USP49: variants seen among roughly 807,000 people sequenced by gnomAD.
USP49 encodes the protein ubiquitin specific peptidase 49, also known as ubiquitin carboxyl-terminal hydrolase 49.
Under a neutral mutation model 58.6 loss-of-function variants are expected in USP49, and 24 were observed. The ratio of observed to expected loss-of-function variants is 0.41; its 90% CI spans 0.30 to 0.58. The LOEUF (loss-of-function observed/expected upper bound fraction) is 0.58. Ranked by LOEUF, USP49 falls within the 20% of genes least tolerant of loss-of-function variation. The pLI is 0.30. For missense variants in USP49, 703 were observed against 866.1 expected (o/e 0.81, Z 2.36); for synonymous variants, 408 against 365.1 (o/e 1.12, Z -1.34).
chr6:41,808,851 T>TCAG (rs1386673813), intron 3 of USP49, among the ~76,000 whole-genome samples: 5 of 152,230 alleles, frequency 3.3e-5, no homozygotes, highest in Non-Finnish European at 5.9e-5. Flanking sequence ...AGGATTGAGG[T>TCAG]CAGGAGTTCA....
rs1346995255 is a variant in USP49, at chr6:41,895,374, A to C, written c.-235T>G. On this transcript the variant is annotated 5_prime_UTR_variant, in exon 1 of 8. Transcript: ENST00000682992. ...TCACCAGGGCGCGAGACAACCGAAC[A>C]CGGCCCCGCCCCCTGCCCGTCTATT... 1.5e-5 allele frequency: 2 copies of C among 132,670 alleles called. No homozygotes were observed. The highest frequency in any genetic ancestry group is 3.2e-5 in the Non-Finnish European group (2 of 61,588). 8.2% of individuals were successfully genotyped at this position (132,670 alleles called of 1,614,324 possible). A position where few individuals can be genotyped will look rare whatever the true frequency, so the allele number is the denominator to read the frequency against.
At position 41,791,589 on chromosome 6, in the gene USP49, TCA is replaced by T. The variant is rs1772798640; in HGVS notation, c.*4942_*4943del. ...CAAGGAAAGTCAATTTGATATCCTGTCACACTTTTCAGCCCTGGCTAGTTAAC... is the reference window on the plus strand; with the variant it reads ...CAAGGAAAGTCAATTTGATATCCTGTCACTTTTCAGCCCTGGCTAGTTAAC... On this transcript the variant is annotated 3_prime_UTR_variant, in exon 8 of 8. Transcript: ENST00000682992. The T allele has an allele frequency of 6.6e-6, 1 of 152,248 alleles. No individual in the cohort carries two copies. The highest frequency in any genetic ancestry group is 2.1e-4 in the South Asian group (1 of 4,836). The allele number at this position is 152,248 out of a possible 1,614,324, so 9.4% of individuals were successfully genotyped here.
At chr6:41,849,037 A>C (rs1773973498) in intron 3 of USP49, among the ~76,000 whole-genome samples, 1 of 152,116 alleles carries the variant, frequency 6.6e-6, no homozygotes, top group African/African-American at 2.4e-5. Flanking sequence ...TATTGACTGG[A>C]GTTAAAAAAG....
chr6:41,801,845 T>C (rs1318856021), intron 5 of USP49, among the ~76,000 whole-genome samples: 2 of 152,222 alleles, frequency 1.3e-5, no homozygotes, highest in African/African-American at 4.8e-5. Flanking sequence ...TCTCTGCCAT[T>C]ATTTGTACTT....
intron 3 of USP49, among the ~76,000 whole-genome samples, chr6:41,838,301 A>C (rs750320733): frequency 1.3e-5 from 2 of 152,238 alleles, no homozygotes; most frequent in African/African-American, 4.8e-5. Context: ...CACTGCTAGC[A>C]TAACCAGCAT....
chr6:41,838,397 G>A (rs554208538), intron 3 of USP49, among the ~76,000 whole-genome samples: 4 of 152,170 alleles, frequency 2.6e-5, no homozygotes, highest in Non-Finnish European at 5.9e-5. Flanking sequence ...CACCAGAGCA[G>A]GTGCTATTAT....
chr6:41,802,468 A>ATTTTTTTTTTT (rs1178634996), intron 5 of USP49, among the ~76,000 whole-genome samples: 2 of 73,928 alleles, frequency 2.7e-5, no homozygotes, highest in African/African-American at 1.1e-4. Context: ...TTATTTATTT[A>ATTTTTTTTTTT]TTTTTTATTT....
rs1402719451 is a variant in USP49, at chr6:41,791,801, A to G, written c.*4732T>C. 6.6e-6 allele frequency: 1 copy of G among 152,240 alleles called. No homozygotes were observed. Among genetic ancestry groups the G allele is most frequent in the Non-Finnish European group, 1.5e-5 (1 of 68,042 alleles). 9.4% of individuals were successfully genotyped at this position (152,240 alleles called of 1,614,324 possible). ...GTCCTGGCCCAACAGAACAGTTACT[A>G]AATGTAAGATACAAACTAAACTCAC... On this transcript the variant is annotated 3_prime_UTR_variant, in exon 8 of 8. Transcript: ENST00000682992.
chr6:41,884,338 A>G (rs1428853197), intron 2 of USP49, among the ~76,000 whole-genome samples: 1 of 152,224 alleles, frequency 6.6e-6, no homozygotes. Flanking sequence ...CATAGATCTT[A>G]AAACATAGTG....
chr6:41,852,648 A>G (rs1410494856), intron 3 of USP49, among the ~76,000 whole-genome samples: 1 of 152,168 alleles, frequency 6.6e-6, no homozygotes, highest in Non-Finnish European at 1.5e-5. Flanking sequence ...TGTTAATCCT[A>G]CCAAAAGCAA....
At chr6:41,850,398 G>A (rs372441876) in intron 3 of USP49, among the ~76,000 whole-genome samples, 2 of 150,876 alleles carry the variant, frequency 1.3e-5, no homozygotes, top group Admixed American at 1.3e-4. Context: ...AGCTGAGATC[G>A]TGCCACTACA....
intron 3 of USP49, among the ~76,000 whole-genome samples, chr6:41,810,014 CG>C: frequency 6.8e-6 from 1 of 146,276 alleles, no homozygotes; most frequent in South Asian, 2.2e-4. Flanking sequence ...TAGCCGGGCG[CG>C]GTGGCGGGTG....
intron 2 of USP49, among the ~76,000 whole-genome samples, chr6:41,885,516 C>T (rs1774694053): frequency 6.6e-6 from 1 of 152,094 alleles, no homozygotes; most frequent in African/African-American, 2.4e-5. Flanking sequence ...TGTCAGCGCA[C>T]AATCATACCT....
At chr6:41,861,118 A>T (rs938085473) in intron 3 of USP49, among the ~76,000 whole-genome samples, 1 of 151,446 alleles carries the variant, frequency 6.6e-6, no homozygotes, top group Non-Finnish European at 1.5e-5. Flanking sequence ...ACACTGAGTG[A>T]TACTCTGCCT....
At chr6:41,818,542 T>C (rs1168579267) in intron 3 of USP49, among the ~76,000 whole-genome samples, 2 of 152,166 alleles carry the variant, frequency 1.3e-5, no homozygotes, top group Admixed American at 1.3e-4. Flanking sequence ...TTCATAGGGC[T>C]GATGTTAAAC....
At chr6:41,861,708 CT>C (rs749581690) in intron 3 of USP49, among the ~76,000 whole-genome samples, 621 of 145,002 alleles carry the variant, frequency 4.3e-3, no homozygotes, top group Admixed American at 5.6e-3. Flanking sequence ...TTACGTCACT[CT>C]TTTTTTTTTT....
chr6:41,789,924 T>A lies in USP49; in HGVS notation c.*6609A>T, dbSNP rs1772765066. Reference sequence around the variant, plus strand: ...ATTTTATTCTTTTAATAAGAAACTTTTGCTTACAAAAACAAGGTGTAAAAA... The same window carrying A: ...ATTTTATTCTTTTAATAAGAAACTTATGCTTACAAAAACAAGGTGTAAAAA... On this transcript the variant is annotated 3_prime_UTR_variant, in exon 8 of 8. Transcript: ENST00000682992. The A allele has an allele frequency of 6.6e-6, 1 of 152,176 alleles. No homozygotes were observed. Among genetic ancestry groups the A allele is most frequent in the African/African-American group, 2.4e-5 (1 of 41,440 alleles). 9.4% of individuals were successfully genotyped at this position (152,176 alleles called of 1,614,324 possible).
intron 3 of USP49, among the ~76,000 whole-genome samples, chr6:41,851,952 C>CA (rs67716441): frequency 0.09 from 4,915 of 54,608 alleles, 443 homozygotes; most frequent in African/African-American, 0.2. Context: ...AGACTCGTCT[C>CA]AAAAAAAAAA....
intron 3 of USP49, among the ~76,000 whole-genome samples, chr6:41,829,347 G>A (rs912220967): frequency 2.0e-5 from 3 of 150,396 alleles, no homozygotes; most frequent in South Asian, 2.1e-4. Context: ...GGTGTTTCGC[G>A]CTTGTTGCCC....
Sources: allele counts gnomAD v4.1 joint callset (sites outside exome capture counted in the v4.1 genomes callset), GRCh38; gene constraint gnomAD v4.1.1; transcripts MANE v1.5; gene names NCBI Gene and HGNC (gene_info 2026-07-23, HGNC 2026-07-21).